CNTNAP5: variants seen among roughly 807,000 people sequenced by gnomAD.
The protein encoded by CNTNAP5 is contactin-associated protein-like 5.
In CNTNAP5, 72 loss-of-function variants were observed where a neutral mutation model predicts 150.2. The ratio of observed to expected loss-of-function variants is 0.48; its 90% CI spans 0.40 to 0.58. The LOEUF (loss-of-function observed/expected upper bound fraction) is 0.58. Ranked by LOEUF, CNTNAP5 falls within the 20% of genes least tolerant of loss-of-function variation. The pLI is 0.00. For missense variants in CNTNAP5, 1,636 were observed against 1,626.2 expected, an observed-to-expected ratio of 1.01 and a Z score of -0.10; for synonymous variants, 672 against 619.8, an observed-to-expected ratio of 1.08 and a Z score of -1.25.
At position 124,592,375 on chromosome 2, in the gene CNTNAP5, A is replaced by ATGTGCG. The variant is rs142935022; in HGVS notation, c.1757-17422_1757-17421insCGTGTG. On this transcript the variant is annotated intron_variant, in intron 11 of 23. Transcript: ENST00000682447. Reference sequence around the variant, plus strand: ...TATATGTATACGTGTGTATATATATATGTGTGTGTGTGTGTGTGTATCAAA... The same window carrying ATGTGCG: ...TATATGTATACGTGTGTATATATATATGTGCGTGTGTGTGTGTGTGTGTGTATCAAA... Among the ~76,000 whole-genome samples the ATGTGCG allele has an allele frequency of 2.8e-3, 417 of 149,836 alleles. 2 individuals are homozygous for ATGTGCG. Among genetic ancestry groups the ATGTGCG allele is most frequent in the African/African-American group, 9.7e-3 (396 of 40,804 alleles).
At chr2:124,221,029 G>A (rs182536649) in intron 1 of CNTNAP5, among the ~76,000 whole-genome samples, 128 of 152,190 alleles carry the variant, frequency 8.4e-4, no homozygotes, top group Admixed American at 3.2e-3. Context: ...CCACATTTGG[G>A]CCTCATCAAA....
chr2:124,359,144 G>C (rs945474671), intron 3 of CNTNAP5, among the ~76,000 whole-genome samples: 1 of 152,048 alleles, frequency 6.6e-6, no homozygotes, highest in African/African-American at 2.4e-5. Context: ...TGGGATCGGC[G>C]GTGATATCCC....
At chr2:124,703,386 A>C (rs1679567304) in intron 13 of CNTNAP5, among the ~76,000 whole-genome samples, 1 of 152,136 alleles carries the variant, frequency 6.6e-6, no homozygotes, top group Non-Finnish European at 1.5e-5. Flanking sequence ...TCTTCATGTC[A>C]TATATTACAG....
intron 13 of CNTNAP5, among the ~76,000 whole-genome samples, chr2:124,726,683 A>G (rs1019449185): frequency 4.5e-4 from 68 of 151,892 alleles, no homozygotes; most frequent in Non-Finnish European, 7.4e-4. Context: ...TTATTTATTT[A>G]TTTATTGCTA....
intron 20 of CNTNAP5, 79 bp from the exon 21 acceptor site, chr2:124,869,596 C>T: frequency 2.3e-6 from 2 of 888,408 alleles, no homozygotes; most frequent in Non-Finnish European, 1.8e-6. Context: ...TTTTTTCAAG[C>T]TATTTCCAGA....
intron 3 of CNTNAP5, among the ~76,000 whole-genome samples, chr2:124,277,844 C>T (rs1687920689): frequency 6.6e-6 from 1 of 152,122 alleles, no homozygotes; most frequent in Non-Finnish European, 1.5e-5. Context: ...GATTCATTTG[C>T]AGTCAGGGTC....
chr2:124,233,087 A>G (rs1686664494), intron 2 of CNTNAP5, among the ~76,000 whole-genome samples: 3 of 150,884 alleles, frequency 2.0e-5, no homozygotes, highest in Admixed American at 2.0e-4. Context: ...AAAATTAATT[A>G]TTAAAAACAA....
At chr2:124,389,583 G>C (rs986398305) in intron 3 of CNTNAP5, among the ~76,000 whole-genome samples, 5 of 152,116 alleles carry the variant, frequency 3.3e-5, no homozygotes, top group African/African-American at 9.7e-5. Context: ...CAATTGCTTT[G>C]ACACAATAAA....
chr2:124,632,599 G>A (rs4848254), intron 12 of CNTNAP5, among the ~76,000 whole-genome samples: 1 of 151,630 alleles, frequency 6.6e-6, no homozygotes, highest in Admixed American at 6.6e-5. Flanking sequence ...TCTAATTCGT[G>A]CTGGGCTTAA....
chr2:124,366,015 C>A (rs1430266), intron 3 of CNTNAP5, among the ~76,000 whole-genome samples: 1 of 152,050 alleles, frequency 6.6e-6, no homozygotes, highest in Non-Finnish European at 1.5e-5. Context: ...TATCCTATAA[C>A]CCCTGTTACA....
chr2:124,124,603 C>T (rs1683642271), intron 1 of CNTNAP5, among the ~76,000 whole-genome samples: 1 of 152,046 alleles, frequency 6.6e-6, no homozygotes, highest in Admixed American at 6.6e-5. Flanking sequence ...CTCCAAGACA[C>T]ATAATTGTCA....
At chr2:124,283,661 G>A (rs575119059) in intron 3 of CNTNAP5, among the ~76,000 whole-genome samples, 1 of 152,166 alleles carries the variant, frequency 6.6e-6, no homozygotes. Context: ...GTCTGTTTGG[G>A]CTGCTGTAAT....
intron 4 of CNTNAP5, 101 bp downstream of exon 4, chr2:124,417,691 AAG>A (rs1438371700): frequency 1.7e-6 from 2 of 1,207,118 alleles, no homozygotes; most frequent in Middle Eastern, 2.6e-4. Flanking sequence ...TCTTATTTTA[AAG>A]TTGTTTCTAG....
chr2:124,366,518 T>C (rs1558870237), intron 3 of CNTNAP5, among the ~76,000 whole-genome samples: 1 of 152,324 alleles, frequency 6.6e-6, no homozygotes, highest in South Asian at 2.1e-4. Flanking sequence ...TGCAGTGTCC[T>C]TTAAACTACC....
chr2:124,269,782 T>C (rs1293699892), intron 3 of CNTNAP5, among the ~76,000 whole-genome samples: 1 of 152,062 alleles, frequency 6.6e-6, no homozygotes, highest in African/African-American at 2.4e-5. Flanking sequence ...AAGTAAAAAA[T>C]GTATGTTTTA....
intron 12 of CNTNAP5, among the ~76,000 whole-genome samples, chr2:124,625,781 G>C (rs1677709165): frequency 6.6e-6 from 1 of 152,178 alleles, no homozygotes; most frequent in Non-Finnish European, 1.5e-5. Context: ...GGCACTGCTT[G>C]CGTAATGTAA....
chr2:124,888,357 T>A (rs1678123626), intron 21 of CNTNAP5, among the ~76,000 whole-genome samples: 2 of 152,270 alleles, frequency 1.3e-5, no homozygotes, highest in East Asian at 1.9e-4. Context: ...TCGATGGACA[T>A]GTAGTTCGAT....
At chr2:124,340,357 G>GA (rs1689580217) in intron 3 of CNTNAP5, among the ~76,000 whole-genome samples, 1 of 152,164 alleles carries the variant, frequency 6.6e-6, no homozygotes, top group Non-Finnish European at 1.5e-5. Context: ...AGACTCAAAA[G>GA]AAAGTGTCAG....
At chr2:124,026,044 G>A (rs1026520782) in intron 1 of CNTNAP5, among the ~76,000 whole-genome samples, 1 of 152,156 alleles carries the variant, frequency 6.6e-6, no homozygotes, top group Non-Finnish European at 1.5e-5. Context: ...GCTTTTTCCG[G>A]AGAAGGGCCC....
Sources: gnomAD v4.1 joint callset for allele counts (sites outside exome capture counted in the v4.1 genomes callset) on GRCh38, gnomAD v4.1.1 for gene constraint, MANE v1.5 for transcripts, NCBI Gene and HGNC (gene_info 2026-07-23, HGNC 2026-07-21) for gene names.